The following FTO variants were observed in gnomAD, a reference collection of about 807,000 sequenced individuals.
FTO encodes the protein FTO alpha-ketoglutarate dependent dioxygenase.
A neutral mutation model predicts 63.9 loss-of-function variants in FTO; 47 were observed. That is an observed-to-expected ratio of 0.74 (90% CI 0.58 to 0.94). FTO has a LOEUF of 0.94. FTO is among the 40% of genes least tolerant of loss of function. The pLI, the probability that FTO is intolerant of heterozygous loss-of-function variation, is 0.00. For missense variants in FTO, 562 were observed against 618.1 expected, an observed-to-expected ratio of 0.91 and a Z score of 0.96; for synonymous variants, 207 against 224.4, an observed-to-expected ratio of 0.92 and a Z score of 0.69.
At chr16:54,009,011 C>T (rs1339101760) in intron 8 of FTO, among the ~76,000 whole-genome samples, 1 of 151,476 alleles carries the variant, frequency 6.6e-6, no homozygotes, top group South Asian at 2.1e-4. Context: ...GACCCTGTCC[C>T]CCCCCCAAAA....
At chr16:54,062,666 G>C (rs1193740170) in intron 8 of FTO, among the ~76,000 whole-genome samples, 2 of 152,186 alleles carry the variant, frequency 1.3e-5, no homozygotes, top group African/African-American at 2.4e-5. Context: ...GTGAGGCGAG[G>C]TAGTGTCACT....
At chr16:54,074,842 G>A (rs1033410738) in intron 8 of FTO, among the ~76,000 whole-genome samples, 1 of 151,554 alleles carries the variant, frequency 6.6e-6, no homozygotes, top group Admixed American at 6.6e-5. Context: ...GGCTCCCCAA[G>A]TAGCCAGTGA....
At chr16:54,006,192 A>T (rs2084199635) in intron 8 of FTO, among the ~76,000 whole-genome samples, 1 of 152,170 alleles carries the variant, frequency 6.6e-6, no homozygotes, top group African/African-American at 2.4e-5. Flanking sequence ...ACTAAGCCCT[A>T]TTTCAGACTA....
At chr16:53,815,280 G>A (rs764515494) in intron 2 of FTO, among the ~76,000 whole-genome samples, 7 of 152,046 alleles carry the variant, frequency 4.6e-5, no homozygotes, top group Non-Finnish European at 7.4e-5. Context: ...CTTCTCTAAC[G>A]GTATCCCCTA....
chr16:53,873,575 T>C (rs1051493408), intron 4 of FTO, among the ~76,000 whole-genome samples: 1 of 150,606 alleles, frequency 6.6e-6, no homozygotes, highest in Non-Finnish European at 1.5e-5. Context: ...TGTCTACTTA[T>C]AAGTAGATAC....
chr16:53,716,519 A>G (rs1472879817), intron 1 of FTO, among the ~76,000 whole-genome samples: 1 of 152,172 alleles, frequency 6.6e-6, no homozygotes, highest in East Asian at 1.9e-4. Context: ...AATGGGGATC[A>G]TAATAGTTGT....
intron 5 of FTO, among the ~76,000 whole-genome samples, chr16:53,878,140 A>C (rs1424905275): frequency 6.6e-6 from 1 of 151,624 alleles, no homozygotes; most frequent in East Asian, 1.9e-4. Context: ...TCTACTAAAA[A>C]TACAAAAATT....
chr16:53,879,851 C>T lies in FTO; in HGVS notation c.983C>T (p.Thr328Ile). Residue 328 changes from threonine (T) to isoleucine (I), a missense_variant, in exon 6 of 9, where the codon ACA (threonine) becomes ATA (isoleucine). By Grantham distance (89) the Thr-to-Ile change is moderately conservative. Transcript: ENST00000471389. The stretch of plus-strand genomic sequence containing the variant: ...CTGGTTCTGTCTCAACAGTGCTCAA[C>T]AGGAACCTTGGATTATATTTTACAA... Reference protein sequence around the residue: ...SSTHRVAECSTGTLDYILQRC... With the variant: ...SSTHRVAECSIGTLDYILQRC... The T allele has an allele frequency of 6.2e-7, 1 of 1,613,950 alleles. No individual in the cohort carries two copies. Among genetic ancestry groups the T allele is most frequent in the Non-Finnish European group, 8.5e-7 (1 of 1,179,930 alleles).
chr16:54,087,591 C>G (rs2086279047), intron 8 of FTO, among the ~76,000 whole-genome samples: 1 of 152,130 alleles, frequency 6.6e-6, no homozygotes, highest in Non-Finnish European at 1.5e-5. Flanking sequence ...ATCACTGAAC[C>G]AACAAGTTCG....
At chr16:53,897,918 T>C (rs1441082777) in intron 7 of FTO, among the ~76,000 whole-genome samples, 1 of 152,144 alleles carries the variant, frequency 6.6e-6, no homozygotes, top group Non-Finnish European at 1.5e-5. Context: ...TATCAGTGAA[T>C]CCAGTTAGCT....
At chr16:53,911,337 A>G in intron 7 of FTO, 1 of 702,288 alleles carries the variant, frequency 1.4e-6, no homozygotes, top group Non-Finnish European at 2.6e-6. Flanking sequence ...AGCCAGAGAT[A>G]GCAGCGAGAG....
At chr16:53,957,944 G>A (rs548981842) in intron 8 of FTO, among the ~76,000 whole-genome samples, 1 of 152,288 alleles carries the variant, frequency 6.6e-6, no homozygotes, top group African/African-American at 2.4e-5. Context: ...ATCTTCTATT[G>A]TTTAAATAGC....
intron 8 of FTO, among the ~76,000 whole-genome samples, chr16:54,065,280 C>A (rs1171885766): frequency 6.6e-6 from 1 of 151,982 alleles, no homozygotes; most frequent in African/African-American, 2.4e-5. Flanking sequence ...CCTCCGCCTT[C>A]CCAGTAGCTG....
intron 1 of FTO, among the ~76,000 whole-genome samples, chr16:53,733,363 C>T (rs2076316278): frequency 6.6e-6 from 1 of 152,104 alleles, no homozygotes; most frequent in South Asian, 2.1e-4. Flanking sequence ...GATCGCACAA[C>T]TGCATTCCAG....
intron 8 of FTO, among the ~76,000 whole-genome samples, chr16:54,093,157 A>T (rs1425619173): frequency 6.6e-6 from 1 of 152,170 alleles, no homozygotes; most frequent in Non-Finnish European, 1.5e-5. Flanking sequence ...TGCTGATGGC[A>T]CTTACGCATC....
chr16:54,096,962 G>T (rs1185388591), intron 8 of FTO, among the ~76,000 whole-genome samples: 2 of 152,176 alleles, frequency 1.3e-5, no homozygotes, highest in African/African-American at 4.8e-5. Context: ...TTGTCCTAGG[G>T]CTGGAGGCCC....
At chr16:54,004,389 CAAATAAATAAAT>C (rs60440155) in intron 8 of FTO, among the ~76,000 whole-genome samples, 10 of 148,588 alleles carry the variant, frequency 6.7e-5, no homozygotes, top group East Asian at 4.0e-4. Flanking sequence ...CAAGACCCTG[CAAATAAATAAAT>C]AAATAAATAA....
At chr16:53,852,720 A>G (rs1005533630) in intron 4 of FTO, among the ~76,000 whole-genome samples, 8 of 152,346 alleles carry the variant, frequency 5.3e-5, no homozygotes, top group African/African-American at 1.7e-4. Flanking sequence ...AAGATTTTAT[A>G]CTTAATCAAA....
At chr16:53,950,749 T>G (rs2082775775) in intron 8 of FTO, among the ~76,000 whole-genome samples, 1 of 152,230 alleles carries the variant, frequency 6.6e-6, no homozygotes, top group Non-Finnish European at 1.5e-5. Context: ...AATGTTTTAC[T>G]GTCTTTCCCA....
Sources: gnomAD v4.1 joint callset for allele counts (sites outside exome capture counted in the v4.1 genomes callset) on GRCh38, gnomAD v4.1.1 for gene constraint, MANE v1.5 for transcripts, NCBI Gene and HGNC (gene_info 2026-07-23, HGNC 2026-07-21) for gene names.